The following RBFOX1 variants were observed in gnomAD, a reference collection of about 807,000 sequenced individuals.
The protein encoded by RBFOX1 is RNA binding fox-1 homolog 1, also known as RNA binding protein fox-1 homolog 1.
In RBFOX1, 8 loss-of-function variants were observed where a neutral mutation model predicts 57.7. The ratio of observed to expected loss-of-function variants is 0.14; its 90% CI spans 0.08 to 0.25. The LOEUF (loss-of-function observed/expected upper bound fraction) is 0.25. RBFOX1 is among the 10% of genes least tolerant of loss of function. The pLI is 1.00. For missense variants in RBFOX1, 611 were observed against 548.5 expected (o/e 1.11, Z -1.14); for synonymous variants, 326 against 222.4 (o/e 1.47, Z -4.15).
intron 4 of RBFOX1, among the ~76,000 whole-genome samples, chr16:7,273,587 G>T (rs1024789388): frequency 6.6e-6 from 1 of 152,132 alleles, no homozygotes; most frequent in Non-Finnish European, 1.5e-5. Context: ...TGGAAAAGTT[G>T]CAAACAAGAT....
At position 7,438,348 on chromosome 16, in the gene RBFOX1, G is replaced by A. The variant is rs150888918; in HGVS notation, c.28-79799G>A. Among the ~76,000 whole-genome samples the A allele has an allele frequency of 6.9e-3, 1,051 of 152,188 alleles. 10 individuals carry two copies. The highest frequency in any genetic ancestry group is 0.014 in the Middle Eastern group (4 of 294). ...AGTGCTACTTTGGATGTCAGTCCATGGTTTGGGTCCTCTGGGGCCACGGTG... is the reference window on the plus strand; with the variant it reads ...AGTGCTACTTTGGATGTCAGTCCATAGTTTGGGTCCTCTGGGGCCACGGTG... On this transcript the variant is annotated intron_variant, in intron 4 of 15. Transcript: ENST00000550418.
At chr16:6,024,343 G>T (rs892679539) in intron 1 of RBFOX1, among the ~76,000 whole-genome samples, 2 of 152,106 alleles carry the variant, frequency 1.3e-5, no homozygotes, top group East Asian at 3.9e-4. Context: ...TTTTCATAAG[G>T]ATAATGAAAA....
intron 11 of RBFOX1, among the ~76,000 whole-genome samples, chr16:7,640,384 A>T (rs984670256): frequency 2.0e-5 from 3 of 152,118 alleles, no homozygotes; most frequent in African/African-American, 7.2e-5. Flanking sequence ...GGTGATTTTC[A>T]TTTTTTCAGA....
intron 2 of RBFOX1, among the ~76,000 whole-genome samples, chr16:5,554,964 T>C (rs1030121885): frequency 3.9e-5 from 6 of 152,216 alleles, no homozygotes; most frequent in Admixed American, 6.5e-5. Context: ...TCCATGGGGC[T>C]TGAATGGTGT....
At chr16:6,454,052 T>TTCTGTG (rs1425788991) in intron 2 of RBFOX1, among the ~76,000 whole-genome samples, 1 of 152,212 alleles carries the variant, frequency 6.6e-6, no homozygotes, top group Non-Finnish European at 1.5e-5. Context: ...CACATGGTCT[T>TTCTGTG]TCTGTGTCTG....
intron 4 of RBFOX1, among the ~76,000 whole-genome samples, chr16:7,249,431 T>C (rs2094430718): frequency 1.3e-5 from 2 of 152,148 alleles, no homozygotes; most frequent in Non-Finnish European, 2.9e-5. Flanking sequence ...AAATTGGAGC[T>C]TTATACCAAT....
At chr16:6,742,980 C>G (rs969763538) in intron 3 of RBFOX1, among the ~76,000 whole-genome samples, 1 of 152,060 alleles carries the variant, frequency 6.6e-6, no homozygotes, top group South Asian at 2.1e-4. Context: ...ATGTCAATAT[C>G]ATATAGTACA....
chr16:6,242,627 C>A (rs114831027), intron 1 of RBFOX1, among the ~76,000 whole-genome samples: 1 of 52,282 alleles, frequency 1.9e-5, no homozygotes, highest in Admixed American at 3.2e-4. Context: ...TAATTTATTG[C>A]AAACACACAC....
chr16:6,174,423 C>T (rs902316711), intron 1 of RBFOX1, among the ~76,000 whole-genome samples: 2 of 152,064 alleles, frequency 1.3e-5, no homozygotes, highest in East Asian at 1.9e-4. Flanking sequence ...GGCAAAACCC[C>T]GTCTTTACTA....
chr16:6,805,247 A>T (rs141434564), intron 3 of RBFOX1, among the ~76,000 whole-genome samples: 2 of 152,306 alleles, frequency 1.3e-5, no homozygotes, highest in East Asian at 3.9e-4. Context: ...AGGAACATGG[A>T]TGGAGCTTGA....
chr16:6,335,507 C>G (rs1193902952), intron 2 of RBFOX1, among the ~76,000 whole-genome samples: 1 of 151,978 alleles, frequency 6.6e-6, no homozygotes, highest in East Asian at 1.9e-4. Context: ...AGGCCGGGCG[C>G]GGTGGTTCAC....
intron 3 of RBFOX1, among the ~76,000 whole-genome samples, chr16:6,861,727 A>G (rs1053239012): frequency 2.0e-5 from 3 of 148,974 alleles, no homozygotes; most frequent in Non-Finnish European, 4.4e-5. Context: ...AGTCTTCAGG[A>G]TTTACAGCTA....
At chr16:5,592,012 CTTT>C (rs2047024566) in intron 2 of RBFOX1, among the ~76,000 whole-genome samples, 1 of 152,188 alleles carries the variant, frequency 6.6e-6, no homozygotes, top group African/African-American at 2.4e-5. Context: ...CAAATTTCTT[CTTT>C]GTCAGTCTCC....
intron 13 of RBFOX1, among the ~76,000 whole-genome samples, chr16:7,675,492 G>C (rs2073010507): frequency 6.6e-6 from 1 of 151,948 alleles, no homozygotes; most frequent in Non-Finnish European, 1.5e-5. Context: ...CTGATCCAAA[G>C]AATAAACTTT....
rs1054174419 is a variant in RBFOX1, at chr16:5,987,054, A to AT, written c.351+119726dup. Among the ~76,000 whole-genome samples the AT allele has an allele frequency of 8.6e-5, 13 of 151,964 alleles. No individual in the cohort carries two copies. The East Asian group carries it at 9.7e-4, about 11-fold the overall frequency. ...GCTTTTGGGATTGTCATTATTTTTA[A>AT]TTTTTTTGCTATTCTTACAGGTTGT... On this transcript the variant is annotated intron_variant, in intron 4 of 19. Coordinates refer to the RBFOX1 transcript ENST00000641259.
chr16:7,529,491 C>G (rs1433898398), intron 5 of RBFOX1, among the ~76,000 whole-genome samples: 1 of 152,312 alleles, frequency 6.6e-6, no homozygotes, highest in East Asian at 1.9e-4. Flanking sequence ...GATGTGGTCC[C>G]TATCCATCCA....
chr16:6,250,992 G>A (rs2097605979), intron 1 of RBFOX1, among the ~76,000 whole-genome samples: 1 of 152,020 alleles, frequency 6.6e-6, no homozygotes, highest in South Asian at 2.1e-4. Context: ...TTTGAGATGG[G>A]GTGGGGAGTG....
rs142676343 is a variant in RBFOX1 at position 5,409,472 on chromosome 16, T to A, written c.220-57744T>A. ...AATGTCTTCTTGCAAAGTAGAAGTT[T>A]GAAGCTTCAAAATCATTGATTCTTA... On this transcript the variant is annotated intron_variant, in intron 1 of 2. Transcript: ENST00000585867. Among the ~76,000 whole-genome samples, 145 of 152,388 alleles carry A rather than the reference T, an allele frequency of 9.5e-4. 5 individuals carry two copies. The East Asian group carries it at 0.012, about 13-fold the overall frequency.
At chr16:6,768,719 T>C (rs1173205564) in intron 3 of RBFOX1, among the ~76,000 whole-genome samples, 1 of 150,286 alleles carries the variant, frequency 6.7e-6, no homozygotes, top group Non-Finnish European at 1.5e-5. Flanking sequence ...GTATATATGA[T>C]ATTATGATGA....
Sources: allele counts gnomAD v4.1 joint callset (sites outside exome capture counted in the v4.1 genomes callset), GRCh38; gene constraint gnomAD v4.1.1; transcripts MANE v1.5; gene names NCBI Gene and HGNC (gene_info 2026-07-23, HGNC 2026-07-21).